Variants in GRIA4 observed in about 807,000 individuals in gnomAD.
GRIA4 encodes glutamate ionotropic receptor AMPA type subunit 4.
Under a neutral mutation model 104.0 loss-of-function variants are expected in GRIA4, and 34 were observed. The observed-to-expected ratio is 0.33, with a 90% CI of 0.25 to 0.44. The LOEUF (loss-of-function observed/expected upper bound fraction) is 0.44, where lower values mean the gene tolerates loss of function less well. Among genes scored for constraint, GRIA4 ranks in the 20% least tolerant of loss-of-function variants. The pLI is 1.00. For synonymous variants in GRIA4, 386 were observed against 381.9 expected, an observed-to-expected ratio of 1.01 and a Z score of -0.13; for missense variants, 750 against 1,096.5, an observed-to-expected ratio of 0.68 and a Z score of 4.46.
intron 9 of GRIA4, among the ~76,000 whole-genome samples, chr11:105,907,217 A>C (rs907590350): frequency 8.5e-5 from 13 of 152,196 alleles, no homozygotes; most frequent in African/African-American, 3.1e-4. Flanking sequence ...AAACTTAAGG[A>C]GTAAGTTGGG....
At chr11:105,934,020 T>C in intron 14 of GRIA4, 51 bp downstream of exon 14, 5 of 1,399,586 alleles carry the variant, frequency 3.6e-6, no homozygotes, top group Non-Finnish European at 4.9e-6. Flanking sequence ...GTATTCCACC[T>C]TCCCTGATGT....
intron 4 of GRIA4, among the ~76,000 whole-genome samples, chr11:105,845,877 A>G (rs1365431128): frequency 2.0e-5 from 3 of 152,154 alleles, no homozygotes; most frequent in East Asian, 1.9e-4. Context: ...GGCGACAGAG[A>G]GAGACTCCGT....
intron 3 of GRIA4, chr11:105,612,918 G>C (rs1950515652): frequency 6.5e-6 from 1 of 154,800 alleles, no homozygotes; most frequent in African/African-American, 2.4e-5. Flanking sequence ...GGGGAGTGGT[G>C]GTGTGGAGGA....
intron 3 of GRIA4, among the ~76,000 whole-genome samples, chr11:105,728,637 A>G (rs1490231297): frequency 2.6e-5 from 4 of 152,204 alleles, no homozygotes; most frequent in Non-Finnish European, 4.4e-5. Flanking sequence ...AAAATAACAG[A>G]AATTATAACA....
rs765255898 is a variant in GRIA4 at position 105,981,592 on chromosome 11, A to ACACAC, written c.*1853_*1854insCACAC. 0.15 allele frequency: 7,044 copies of ACACAC among 46,118 alleles called. 225 individuals carry two copies. The highest frequency in any genetic ancestry group is 0.22 in the Middle Eastern group (22 of 98). 2.9% of individuals were successfully genotyped at this position (46,118 alleles called of 1,614,324 possible). ...ACACACACACACACACACACACACA[A>ACACAC]GTCCCTCAGGAAAAATTCCAAGCTC... On this transcript the variant is annotated 3_prime_UTR_variant, in exon 17 of 17. Coordinates refer to ENST00000282499, the MANE Select transcript of GRIA4 (RefSeq NM_000829.4).
chr11:105,624,434 T>C (rs531131078), intron 3 of GRIA4, among the ~76,000 whole-genome samples: 117 of 151,888 alleles, frequency 7.7e-4, no homozygotes, highest in Middle Eastern at 3.4e-3. Flanking sequence ...TCCTCAGTAC[T>C]TCTTGGAACT....
intron 14 of GRIA4, among the ~76,000 whole-genome samples, chr11:105,945,151 G>A (rs502453): frequency 0.81 from 123,695 of 151,936 alleles, 50,494 homozygotes; most frequent in South Asian, 0.88. Context: ...ACCATGATGC[G>A]CCCTCCATTA....
At chr11:105,801,238 T>A (rs556552987) in intron 4 of GRIA4, among the ~76,000 whole-genome samples, 1 of 151,566 alleles carries the variant, frequency 6.6e-6, no homozygotes. Context: ...ATATTTAATA[T>A]TTAAAATGAT....
intron 11 of GRIA4, among the ~76,000 whole-genome samples, chr11:105,923,818 G>C (rs572572703): frequency 6.6e-6 from 1 of 152,130 alleles, no homozygotes; most frequent in South Asian, 2.1e-4. Context: ...AGATTTTTGT[G>C]TGTGTGCTGA....
intron 3 of GRIA4, among the ~76,000 whole-genome samples, chr11:105,731,984 C>T (rs1003965326): frequency 2.0e-5 from 3 of 152,060 alleles, no homozygotes; most frequent in African/African-American, 7.2e-5. Flanking sequence ...ATGCAACAAA[C>T]CTGCACGTTC....
chr11:105,973,237 C>T (rs775344323), intron 15 of GRIA4, among the ~76,000 whole-genome samples: 11 of 152,084 alleles, frequency 7.2e-5, no homozygotes, highest in African/African-American at 9.7e-5. Flanking sequence ...CTATAAAACT[C>T]GTTAAGGGTC....
At chr11:105,845,891 AAAACAAACAAAC>A (rs34693227) in intron 4 of GRIA4, among the ~76,000 whole-genome samples, 1 of 152,044 alleles carries the variant, frequency 6.6e-6, no homozygotes, top group African/African-American at 2.4e-5. Context: ...ACTCCGTCTC[AAAACAAACAAAC>A]AAACAAACAA....
intron 4 of GRIA4, chr11:105,797,770 A>C: frequency 2.2e-6 from 1 of 454,818 alleles, no homozygotes; most frequent in South Asian, 1.6e-5. Context: ...TTGTATGCCA[A>C]GTTCTGTTGT....
chr11:105,745,985 T>A (rs1939632174), intron 3 of GRIA4, among the ~76,000 whole-genome samples: 1 of 152,150 alleles, frequency 6.6e-6, no homozygotes, highest in East Asian at 1.9e-4. Flanking sequence ...AATTAATACA[T>A]TTCCCTCTTC....
chr11:105,781,675 T>C (rs1482541963), intron 4 of GRIA4, among the ~76,000 whole-genome samples: 1 of 152,078 alleles, frequency 6.6e-6, no homozygotes, highest in Non-Finnish European at 1.5e-5. Flanking sequence ...GTAATTGAAT[T>C]TACAGTTCTT....
chr11:105,691,125 C>A (rs974956227), intron 3 of GRIA4, among the ~76,000 whole-genome samples: 2 of 151,960 alleles, frequency 1.3e-5, no homozygotes, highest in African/African-American at 4.8e-5. Context: ...TGTTACGATT[C>A]CCTAATATAA....
chr11:105,633,205 C>A (rs1951083551), intron 3 of GRIA4, among the ~76,000 whole-genome samples: 2 of 152,162 alleles, frequency 1.3e-5, no homozygotes, highest in South Asian at 4.1e-4. Context: ...ATATGGATTT[C>A]TGTTTGAAAA....
At chr11:105,679,069 G>A (rs1362003044) in intron 3 of GRIA4, among the ~76,000 whole-genome samples, 1 of 152,074 alleles carries the variant, frequency 6.6e-6, no homozygotes, top group Non-Finnish European at 1.5e-5. Flanking sequence ...AAAAAAATCT[G>A]GCTCACAGTT....
At chr11:105,960,641 G>T (rs558917024) in intron 14 of GRIA4, among the ~76,000 whole-genome samples, 1 of 152,352 alleles carries the variant, frequency 6.6e-6, no homozygotes, top group African/African-American at 2.4e-5. Context: ...GCAGGCAGCA[G>T]CAGCTGGTGC....
Sources: gnomAD v4.1 joint callset for allele counts (sites outside exome capture counted in the v4.1 genomes callset) on GRCh38, gnomAD v4.1.1 for gene constraint, MANE v1.5 for transcripts, NCBI Gene and HGNC (gene_info 2026-07-23, HGNC 2026-07-21) for gene names.